Variants in MAGI2 observed in about 807,000 individuals in gnomAD.
MAGI2 encodes membrane-associated guanylate kinase, WW and PDZ domain-containing protein 2.
Under a neutral mutation model 133.3 loss-of-function variants are expected in MAGI2, and 35 were observed. That is an observed-to-expected ratio of 0.26 (90% CI 0.20 to 0.35). The LOEUF is 0.35. MAGI2 is among the 10% of genes least tolerant of loss of function. The probability of loss-of-function intolerance (pLI) is 1.00; values close to 1 mark genes in which losing one functional copy is unlikely to be tolerated. For missense variants in MAGI2, 1,636 were observed against 1,863.4 expected, an observed-to-expected ratio of 0.88 and a Z score of 2.25; for synonymous variants, 729 against 710.6, an observed-to-expected ratio of 1.03 and a Z score of -0.41.
intron 9 of MAGI2, among the ~76,000 whole-genome samples, chr7:78,312,210 G>A (rs1407229465): frequency 1.4e-5 from 2 of 147,268 alleles, no homozygotes; most frequent in African/African-American, 2.6e-5. Context: ...GCCAAAAAAA[G>A]TTGTTTTATT....
intron 2 of MAGI2, among the ~76,000 whole-genome samples, chr7:78,990,663 A>G (rs1805668397): frequency 6.6e-6 from 1 of 152,064 alleles, no homozygotes; most frequent in Non-Finnish European, 1.5e-5. Flanking sequence ...TTGGGGCTTT[A>G]AACATTTATT....
chr7:78,053,670 TA>T (rs1448400706), intron 21 of MAGI2, among the ~76,000 whole-genome samples: 1 of 152,196 alleles, frequency 6.6e-6, no homozygotes. Context: ...CCCATTCTCA[TA>T]AGCTCCAATC....
At chr7:79,364,359 G>A (rs1842556518) in intron 1 of MAGI2, among the ~76,000 whole-genome samples, 1 of 151,900 alleles carries the variant, frequency 6.6e-6, no homozygotes, top group Non-Finnish European at 1.5e-5. Flanking sequence ...TGTCTCACCT[G>A]AAAAAATAAG....
intron 7 of MAGI2, among the ~76,000 whole-genome samples, chr7:78,356,825 T>A (rs1792132578): frequency 6.6e-6 from 1 of 152,172 alleles, no homozygotes; most frequent in African/African-American, 2.4e-5. Flanking sequence ...GTATCCTCAA[T>A]CTCACTGAGA....
At chr7:78,845,468 T>C (rs1295849528) in intron 2 of MAGI2, among the ~76,000 whole-genome samples, 1 of 151,894 alleles carries the variant, frequency 6.6e-6, no homozygotes, top group Non-Finnish European at 1.5e-5. Flanking sequence ...TTGAAGGCCT[T>C]GGATGATACG....
chr7:78,883,210 C>A (rs1393536816), intron 2 of MAGI2, among the ~76,000 whole-genome samples: 1 of 151,994 alleles, frequency 6.6e-6, no homozygotes. Context: ...ACCAATAACA[C>A]CCAAGCTGAG....
At chr7:79,007,027 T>G (rs1807523274) in intron 2 of MAGI2, 63 bp downstream of exon 2, 1 of 1,178,676 alleles carries the variant, frequency 8.5e-7, no homozygotes, top group Non-Finnish European at 1.2e-6. Flanking sequence ...TTTTAATCAA[T>G]GAATATATAG....
chr7:78,678,509 A>G (rs1815293013), intron 2 of MAGI2, among the ~76,000 whole-genome samples: 1 of 152,138 alleles, frequency 6.6e-6, no homozygotes, highest in Non-Finnish European at 1.5e-5. Context: ...TTCTGATGTA[A>G]TTATTAGTCA....
At chr7:78,370,345 G>C (rs11976225) in intron 6 of MAGI2, among the ~76,000 whole-genome samples, 3,570 of 151,982 alleles carry the variant, frequency 0.023, 127 homozygotes, top group African/African-American at 0.074. Context: ...GTGTGTTACC[G>C]CACAATATCA....
At chr7:78,844,035 A>G (rs560602231) in intron 2 of MAGI2, among the ~76,000 whole-genome samples, 2 of 149,092 alleles carry the variant, frequency 1.3e-5, no homozygotes, top group South Asian at 4.2e-4. Context: ...AAAAATCTGA[A>G]AGGAAATCTA....
At chr7:78,156,403 C>G (rs1318266383) in intron 16 of MAGI2, among the ~76,000 whole-genome samples, 1 of 152,158 alleles carries the variant, frequency 6.6e-6, no homozygotes, top group East Asian at 1.9e-4. Flanking sequence ...CTAACAGAAC[C>G]TATAGCCAGA....
At chr7:78,344,052 C>T in intron 8 of MAGI2, 92 bp from the exon 9 acceptor site, 1 of 1,173,090 alleles carries the variant, frequency 8.5e-7, no homozygotes, top group Non-Finnish European at 1.2e-6. Flanking sequence ...AGCGACAATC[C>T]CAGGGGTAAA....
chr7:78,593,118 G>T (rs1804210378), intron 3 of MAGI2, among the ~76,000 whole-genome samples: 1 of 83,888 alleles, frequency 1.2e-5, no homozygotes, highest in African/African-American at 5.1e-5. Flanking sequence ...ACCGCACCTG[G>T]CCCCTGATTT....
chr7:78,279,236 TCA>T (rs930170256), intron 9 of MAGI2, among the ~76,000 whole-genome samples: 1 of 152,162 alleles, frequency 6.6e-6, no homozygotes, highest in African/African-American at 2.4e-5. Context: ...ATCAGAACTC[TCA>T]GTTAAACACA....
intron 1 of MAGI2, among the ~76,000 whole-genome samples, chr7:79,197,136 T>C (rs1263000276): frequency 6.6e-6 from 1 of 151,854 alleles, no homozygotes; most frequent in African/African-American, 2.4e-5. Context: ...TTCATTTCCT[T>C]CTTTTTCCTG....
rs370533662 is a variant in MAGI2, at chr7:79,001,081, T to A, written c.418+6009A>T. Among the ~76,000 whole-genome samples, 31 of 152,244 alleles carry A rather than the reference T, an allele frequency of 2.0e-4. No homozygotes were observed. The South Asian group carries it at 6.0e-3, about 30-fold the overall frequency. ...GCAGGTGCACACCACCATGCTCATC[T>A]AATTTTTGTATTTTTAGTAGAAATG... is the stretch of plus-strand genomic sequence containing the variant. On this transcript the variant is annotated intron_variant, in intron 2 of 21. Coordinates refer to ENST00000354212, the MANE Select transcript of MAGI2 (RefSeq NM_012301.4).
chr7:78,531,596 A>T (rs376547201), intron 3 of MAGI2, among the ~76,000 whole-genome samples: 2 of 152,330 alleles, frequency 1.3e-5, no homozygotes, highest in East Asian at 3.9e-4. Context: ...AAGGAAAGTG[A>T]AATTTTGACA....
intron 1 of MAGI2, among the ~76,000 whole-genome samples, chr7:79,388,023 T>A (rs1844316031): frequency 6.6e-6 from 1 of 151,940 alleles, no homozygotes; most frequent in Admixed American, 6.6e-5. Flanking sequence ...AAAATAATAA[T>A]ATTCCTGCTT....
intron 3 of MAGI2, among the ~76,000 whole-genome samples, chr7:78,544,348 A>G (rs1303517856): frequency 1.3e-5 from 2 of 152,230 alleles, no homozygotes; most frequent in African/African-American, 4.8e-5. Flanking sequence ...CATTGACTAA[A>G]AGGAGTTATC....
Sources: gnomAD v4.1 joint callset for allele counts (sites outside exome capture counted in the v4.1 genomes callset) on GRCh38, gnomAD v4.1.1 for gene constraint, MANE v1.5 for transcripts, NCBI Gene and HGNC (gene_info 2026-07-23, HGNC 2026-07-21) for gene names.